Variants in MRPS9 observed in about 807,000 individuals in gnomAD.
MRPS9 encodes mitochondrial ribosomal protein S9.
MRPS9 carries 45 observed loss-of-function variants against 59.9 expected under a neutral mutation model. The observed-to-expected ratio is 0.75, with a 90% confidence interval of 0.59 to 0.96. MRPS9 has a LOEUF of 0.96. MRPS9 is among the 40% of genes least tolerant of loss of function. The pLI is 0.00. For missense variants in MRPS9, 473 were observed against 481.1 expected (o/e 0.98, Z 0.16); for synonymous variants, 171 against 166.8 (o/e 1.03, Z -0.19).
intron 1 of MRPS9, among the ~76,000 whole-genome samples, chr2:105,040,999 G>A (rs1679491924): frequency 1.3e-5 from 2 of 152,148 alleles, no homozygotes; most frequent in South Asian, 4.1e-4. Context: ...AGTGGGCTTT[G>A]TCAGCAACAA....
chr2:105,045,924 GT>G (rs1456158444), intron 1 of MRPS9, among the ~76,000 whole-genome samples: 6 of 152,006 alleles, frequency 3.9e-5, no homozygotes, highest in African/African-American at 1.4e-4. Context: ...GAGTGCAGTG[GT>G]GCGATCTTGG....
intron 4 of MRPS9, 59 bp from the exon 5 acceptor site, chr2:105,079,924 C>A: frequency 1.7e-6 from 2 of 1,167,202 alleles, no homozygotes; most frequent in Admixed American, 2.0e-5. Context: ...TTAAATGCAG[C>A]TATTTGGTCT....
chr2:105,089,948 A>G lies in MRPS9; in HGVS notation c.604A>G (p.Lys202Glu), dbSNP rs954369082. 1 of 1,610,722 alleles carries G rather than the reference A, an allele frequency of 6.2e-7. No individual in the cohort carries two copies. Among genetic ancestry groups the G allele is most frequent in the African/African-American group, 1.3e-5 (1 of 74,908 alleles). The change falls in exon 7 of 11, where the codon AAG becomes GAG. Residue 202 changes from lysine (K) to glutamate (E), a missense_variant. Physicochemically the swap from Lys to Glu is moderately conservative, Grantham distance 56 (BLOSUM62 1). Transcript: ENST00000258455. Reference protein sequence around the residue: ...RDVIGSRWLIKEELEEMLVEK... With the variant: ...RDVIGSRWLIEEELEEMLVEK... ...CGTGATTGGCAGCAGATGGCTGATT[A>G]AGGAGGAACTAGAAGAAATGTTAGT...
chr2:105,086,760 G>A (rs2104465232), intron 5 of MRPS9, among the ~76,000 whole-genome samples: 1 of 152,268 alleles, frequency 6.6e-6, no homozygotes, highest in Non-Finnish European at 1.5e-5. Context: ...CTCTGCTGCT[G>A]CAGGTGATGG....
chr2:105,077,082 A>G (rs1468430325), intron 4 of MRPS9, among the ~76,000 whole-genome samples: 1 of 152,120 alleles, frequency 6.6e-6, no homozygotes, highest in Non-Finnish European at 1.5e-5. Context: ...CCCCATCTCT[A>G]CTAAAAATAC....
chr2:105,091,278 G>A, intron 7 of MRPS9: 1 of 470,996 alleles, frequency 2.1e-6, no homozygotes, highest in Non-Finnish European at 4.4e-6. Flanking sequence ...TCTTGACCTA[G>A]TTCAGAAGCA....
intron 1 of MRPS9, among the ~76,000 whole-genome samples, chr2:105,045,859 A>G (rs1180441094): frequency 6.6e-6 from 1 of 151,948 alleles, no homozygotes; most frequent in Non-Finnish European, 1.5e-5. Context: ...GAATACTTAA[A>G]ATTTTTTTCT....
chr2:105,098,241 T>C (rs1680710936), intron 10 of MRPS9: 1 of 152,224 alleles, frequency 6.6e-6, no homozygotes, highest in South Asian at 2.1e-4. Context: ...TGGGGAAGTT[T>C]GAGCTGAAGA....
At chr2:105,074,345 A>G (rs2104456311) in intron 4 of MRPS9, among the ~76,000 whole-genome samples, 1 of 152,350 alleles carries the variant, frequency 6.6e-6, no homozygotes, top group Middle Eastern at 3.4e-3. Flanking sequence ...GAAATCAATC[A>G]ACTTCTAGCA....
At chr2:105,087,800 T>TTTCCTTCCTTCCTTCCTTCCTTCC (rs59753300) in intron 5 of MRPS9, among the ~76,000 whole-genome samples, 3,591 of 138,378 alleles carry the variant, frequency 0.026, 94 homozygotes, top group Non-Finnish European at 0.031. Flanking sequence ...TCCTGCCTTT[T>TTTCCTTCCTTCCTTCCTTCCTTCC]TTCCTTCCTT....
intron 2 of MRPS9, among the ~76,000 whole-genome samples, chr2:105,051,832 T>G (rs1373964647): frequency 6.6e-6 from 1 of 152,184 alleles, no homozygotes; most frequent in Non-Finnish European, 1.5e-5. Flanking sequence ...ATAATATTTT[T>G]GGGTTTCTTA....
chr2:105,068,159 T>C (rs1680039037), intron 2 of MRPS9, among the ~76,000 whole-genome samples: 1 of 152,166 alleles, frequency 6.6e-6, no homozygotes, highest in Non-Finnish European at 1.5e-5. Context: ...GACCCTCCCA[T>C]TGCTCCTAAA....
chr2:105,061,710 G>C lies in MRPS9; in HGVS notation c.316-9603G>C, dbSNP rs146998885. On this transcript the variant is annotated intron_variant, in intron 2 of 10. Coordinates refer to ENST00000258455, the MANE Select transcript of MRPS9 (RefSeq NM_182640.3). ...AACTGGACTGAAAGTTGCACTGCCT[G>C]GGGGGAGGAGCATTGGGGACAGTAT... Among the ~76,000 whole-genome samples the C allele has an allele frequency of 5.7e-4, 86 of 152,196 alleles. No individual in the cohort carries two copies. The East Asian group carries it at 0.015, about 26-fold the overall frequency.
rs116793449 is a variant in MRPS9, at chr2:105,092,483, G to A, written c.734G>A (p.Arg245Gln). The A allele has an allele frequency of 5.4e-3, 8,793 of 1,613,906 alleles. 27 individuals carry two copies. Among genetic ancestry groups the A allele is most frequent in the Non-Finnish European group, 6.6e-3 (7,785 of 1,179,900 alleles). Residue 245 changes from arginine to glutamine, a missense_variant, in exon 8 of 11, where the codon CGA becomes CAA. Transcript: ENST00000258455. ...AAEEEFVQRFRRSVTLESKKQ... is the reference protein window; with the variant it reads ...AAEEEFVQRFQRSVTLESKKQ... ...GAGGAAGAATTTGTGCAGAGGTTTC[G>A]AAGAAGTGTAACTCTTGAATCAAAA... is the stretch of plus-strand genomic sequence containing the variant.
chr2:105,046,843 G>C lies in MRPS9; in HGVS notation c.136-2328G>C, dbSNP rs902924633. 3.9e-5 allele frequency among the ~76,000 whole-genome samples: 6 copies of C among 152,000 alleles called. 1 individual carries two copies. The highest frequency in any genetic ancestry group is 1.3e-4 in the Admixed American group (2 of 15,250). ...ATCCTTTTGGCAATGGAACATTTGG[G>C]AGAATTATCTACTATATGATTGCTA... On this transcript the variant is annotated intron_variant, in intron 1 of 10. Transcript: ENST00000258455.
chr2:105,092,702 C>A, intron 8 of MRPS9, 133 bp downstream of exon 8: 1 of 864,094 alleles, frequency 1.2e-6, no homozygotes, highest in Non-Finnish European at 1.7e-6. Flanking sequence ...CTTTGGATTT[C>A]CTAATTTTTA....
intron 2 of MRPS9, among the ~76,000 whole-genome samples, chr2:105,062,221 C>A (rs796973398): frequency 2.7e-4 from 41 of 152,314 alleles, no homozygotes; most frequent in African/African-American, 9.1e-4. Flanking sequence ...CACCCACATA[C>A]CCAACTTTGA....
intron 2 of MRPS9, among the ~76,000 whole-genome samples, chr2:105,067,243 C>A (rs111903495): frequency 0.014 from 2,084 of 152,214 alleles, 50 homozygotes; most frequent in African/African-American, 0.048. Flanking sequence ...CAGTTTTCCC[C>A]AGAATGTCTT....
At chr2:105,053,806 A>T (rs2104443939) in intron 2 of MRPS9, among the ~76,000 whole-genome samples, 1 of 152,360 alleles carries the variant, frequency 6.6e-6, no homozygotes, top group East Asian at 1.9e-4. Flanking sequence ...GGTAAAAGCA[A>T]CTTGATGTCA....
Sources: gnomAD v4.1 joint callset for allele counts (sites outside exome capture counted in the v4.1 genomes callset) on GRCh38, gnomAD v4.1.1 for gene constraint, MANE v1.5 for transcripts, NCBI Gene and HGNC (gene_info 2026-07-23, HGNC 2026-07-21) for gene names.